Variants in GPC4 observed in about 807,000 individuals in gnomAD.
The protein encoded by GPC4 is glypican 4.
Under a neutral mutation model 35.0 loss-of-function variants are expected in GPC4, and 10 were observed. The observed-to-expected ratio is 0.29, with a 90% CI of 0.18 to 0.48. GPC4 has a LOEUF of 0.48. GPC4 is among the 20% of genes least tolerant of loss of function. The pLI, the probability that GPC4 is intolerant of heterozygous loss-of-function variation, is 0.99. For synonymous variants in GPC4, 167 were observed against 170.2 expected (o/e 0.98, Z 0.15); for missense variants, 322 against 451.3 (o/e 0.71, Z 2.60).
At chrX:133,310,154 C>T (rs1411451553) in intron 4 of GPC4, among the ~76,000 whole-genome samples, 1 of 111,143 alleles carries the variant, frequency 9.0e-6, no homozygotes, top group Non-Finnish European at 1.9e-5. Context: ...AAAAGCATTC[C>T]CCAACATTAA....
intron 2 of GPC4, among the ~76,000 whole-genome samples, chrX:133,329,027 C>A (rs745625193): frequency 6.3e-5 from 7 of 111,705 alleles, no homozygotes; most frequent in Non-Finnish European, 1.3e-4. Context: ...AAAGATAAAG[C>A]AGCTGCTACT....
rs757358629 is a variant in GPC4, at chrX:133,365,060, A to G, written c.161-25719T>C. On this transcript the variant is annotated intron_variant, in intron 1 of 8. Coordinates refer to ENST00000370828, the MANE Select transcript of GPC4 (RefSeq NM_001448.3). ...TCTTTTCTCTCTGAAAATTCTTTTTATTCATTACTCAGGCTGCTGGGCAGA... is the reference window on the plus strand; with the variant it reads ...TCTTTTCTCTCTGAAAATTCTTTTTGTTCATTACTCAGGCTGCTGGGCAGA... Among the ~76,000 whole-genome samples, 3 of 111,931 alleles carry G rather than the reference A, an allele frequency of 2.7e-5. No individual in the cohort carries two copies. In the South Asian group the frequency reaches 1.1e-3, roughly 42 times the overall value.
intron 1 of GPC4, among the ~76,000 whole-genome samples, chrX:133,342,344 T>A (rs1435156844): frequency 9.0e-6 from 1 of 111,364 alleles, no homozygotes; most frequent in African/African-American, 3.3e-5. Context: ...GCCTGCAATA[T>A]CTAATTTTAA....
intron 1 of GPC4, among the ~76,000 whole-genome samples, chrX:133,361,776 T>C (rs2068569456): frequency 8.9e-6 from 1 of 111,818 alleles, no homozygotes; most frequent in Non-Finnish European, 1.9e-5. Context: ...ATAAATTGTA[T>C]CGTTCATTTT....
At chrX:133,329,684 C>G (rs2068410395) in intron 2 of GPC4, among the ~76,000 whole-genome samples, 1 of 110,740 alleles carries the variant, frequency 9.0e-6, no homozygotes, top group Non-Finnish European at 1.9e-5. Context: ...ATCAGCAGGT[C>G]GACACCCCCC....
chrX:133,327,913 C>T (rs765306707), intron 2 of GPC4, among the ~76,000 whole-genome samples: 1 of 110,881 alleles, frequency 9.0e-6, no homozygotes, highest in South Asian at 3.9e-4. Context: ...GTCATAATTT[C>T]TCCAAATGGG....
intron 1 of GPC4, among the ~76,000 whole-genome samples, chrX:133,413,635 C>T (rs1046925258): frequency 9.0e-6 from 1 of 110,669 alleles, no homozygotes; most frequent in South Asian, 3.9e-4. Context: ...GCTCAGCCCC[C>T]CCCCCGGGCT....
chrX:133,415,472 C>T lies in GPC4; in HGVS notation c.-507G>A, dbSNP rs2124192378. 1 of 110,194 alleles carries T rather than the reference C, an allele frequency of 9.1e-6. No individual in the cohort carries two copies. The highest frequency in any genetic ancestry group is 3.0e-4 in the East Asian group (1 of 3,389). 9.1% of individuals were successfully genotyped at this position (110,194 alleles called of 1,213,427 possible). Reference sequence around the variant, plus strand: ...CGCCGCGCGGCTGTGCCCTTCTCAGCTCTGCCGCTGATTGACTGGCCGGCG... The same window carrying T: ...CGCCGCGCGGCTGTGCCCTTCTCAGTTCTGCCGCTGATTGACTGGCCGGCG... On this transcript the variant is annotated 5_prime_UTR_variant, in exon 1 of 9. Coordinates refer to ENST00000370828, the MANE Select transcript of GPC4 (RefSeq NM_001448.3).
intron 3 of GPC4, among the ~76,000 whole-genome samples, chrX:133,312,980 G>A: frequency 9.0e-6 from 1 of 111,720 alleles, no homozygotes; most frequent in Non-Finnish European, 1.9e-5. Context: ...AAAAGTTCCT[G>A]TCTCCTCTTT....
At chrX:133,337,932 G>A (rs1413762583) in intron 2 of GPC4, among the ~76,000 whole-genome samples, 3 of 109,786 alleles carry the variant, frequency 2.7e-5, no homozygotes, top group African/African-American at 9.9e-5. Context: ...TTCATCCAGG[G>A]AAAGGTGATA....
At chrX:133,304,891 G>C in intron 6 of GPC4, 30 bp from the exon 7 acceptor site, 1 of 1,200,944 alleles carries the variant, frequency 8.3e-7, no homozygotes, top group Non-Finnish European at 1.1e-6. Flanking sequence ...AACAAAAAAA[G>C]ATCATTGTAA....
At chrX:133,401,287 G>A (rs999899875) in intron 1 of GPC4, among the ~76,000 whole-genome samples, 4 of 111,478 alleles carry the variant, frequency 3.6e-5, no homozygotes, top group Admixed American at 2.9e-4. Context: ...AAGTTTAAGA[G>A]AATACCATCA....
chrX:133,353,884 G>T (rs905948489), intron 1 of GPC4, among the ~76,000 whole-genome samples: 1 of 111,455 alleles, frequency 9.0e-6, no homozygotes, highest in Non-Finnish European at 1.9e-5. Context: ...ACAGGGACAC[G>T]TTTTTCTCCC....
At chrX:133,339,433 G>T in intron 1 of GPC4, 92 bp from the exon 2 acceptor site, 1 of 837,193 alleles carries the variant, frequency 1.2e-6, no homozygotes, top group Non-Finnish European at 1.7e-6. Flanking sequence ...CAACCTGTGA[G>T]GCTCCTGCAA....
chrX:133,366,254 T>G (rs753633406), intron 1 of GPC4, among the ~76,000 whole-genome samples: 4 of 112,490 alleles, frequency 3.6e-5, no homozygotes, highest in Non-Finnish European at 7.5e-5. Flanking sequence ...TTTTCAATGG[T>G]TCAGTTCTGT....
chrX:133,404,546 C>CAAAAAAAAAAAAAAAAAAAAAAAA (rs766777711), intron 1 of GPC4, among the ~76,000 whole-genome samples: 1 of 37,373 alleles, frequency 2.7e-5, no homozygotes, highest in African/African-American at 1.7e-4. Context: ...GACTCTGCCT[C>CAAAAAAAAAAAAAAAAAAAAAAAA]AAAAAAAAAA....
At chrX:133,366,471 G>A (rs2124155720) in intron 1 of GPC4, among the ~76,000 whole-genome samples, 1 of 112,046 alleles carries the variant, frequency 8.9e-6, no homozygotes, top group African/African-American at 3.2e-5. Flanking sequence ...GCCAGCTTGT[G>A]AGACTCTGTG....
At chrX:133,374,902 G>C (rs1473449523) in intron 1 of GPC4, among the ~76,000 whole-genome samples, 2 of 112,072 alleles carry the variant, frequency 1.8e-5, no homozygotes, top group African/African-American at 3.2e-5. Context: ...AACCTTGTTG[G>C]TTTAGGCTGG....
rs1280372176 is a variant in GPC4 at position 133,302,942 on chromosome X, G to A, written c.1596C>T (p.Val532=). 8.3e-7 allele frequency: 1 copy of A among 1,209,885 alleles called. No homozygotes were observed. Among genetic ancestry groups the A allele is most frequent in the Non-Finnish European group, 1.1e-6 (1 of 895,163 alleles). Residue 532 remains valine (V), a synonymous_variant, in exon 9 of 9, where the codon GTC becomes GTT. Transcript: ENST00000370828. ...GGAGGTAGGCCTGTGCCCCAGGACG[G>A]ACACCAGCACTGTCGGCTTTCTCAT... ...SANEKADSAG[V]RPGAQAYLLT... is the part of the protein sequence containing the mutation.
Sources: allele counts gnomAD v4.1 joint callset (sites outside exome capture counted in the v4.1 genomes callset), GRCh38; gene constraint gnomAD v4.1.1; transcripts MANE v1.5; gene names NCBI Gene and HGNC (gene_info 2026-07-23, HGNC 2026-07-21).